The following CTNNBL1 variants were observed in gnomAD, a reference collection of about 807,000 sequenced individuals.
CTNNBL1 encodes the protein beta-catenin-like protein 1.
CTNNBL1 carries 31 observed loss-of-function variants against 72.7 expected under a neutral mutation model. The ratio of observed to expected loss-of-function variants is 0.43; its 90% CI spans 0.32 to 0.58. The LOEUF is 0.58. Among genes scored for constraint, CTNNBL1 ranks in the 20% least tolerant of loss-of-function variants. CTNNBL1 has a pLI of 0.08. For synonymous variants in CTNNBL1, 240 were observed against 267.3 expected (o/e 0.90, Z 1.00); for missense variants, 534 against 725.1 (o/e 0.74, Z 3.03).
intron 1 of CTNNBL1, among the ~76,000 whole-genome samples, chr20:37,719,505 G>A (rs1734674101): frequency 6.6e-6 from 1 of 152,172 alleles, no homozygotes; most frequent in Admixed American, 6.5e-5. Context: ...GAAAGAACAT[G>A]CCTTTTTTGT....
chr20:37,851,881 C>A (rs2072400201), intron 13 of CTNNBL1, among the ~76,000 whole-genome samples: 7 of 152,208 alleles, frequency 4.6e-5, no homozygotes, highest in Admixed American at 4.6e-4. Flanking sequence ...TAGAGAAGGC[C>A]TGGGACTATG....
chr20:37,719,829 A>C (rs975338082), intron 1 of CTNNBL1, among the ~76,000 whole-genome samples: 23 of 143,012 alleles, frequency 1.6e-4, no homozygotes, highest in Non-Finnish European at 2.9e-4. Flanking sequence ...TTCTTTTTTT[A>C]TTTTTCTTTT....
intron 1 of CTNNBL1, 141 bp downstream of exon 1, chr20:37,694,293 G>A (rs1344966695): frequency 5.8e-6 from 4 of 694,570 alleles, no homozygotes; most frequent in Non-Finnish European, 9.0e-6. Context: ...TCAGCCCCTC[G>A]TTTTACTTTG....
chr20:37,786,359 C>T (rs1228077429), intron 10 of CTNNBL1, among the ~76,000 whole-genome samples: 3 of 152,176 alleles, frequency 2.0e-5, no homozygotes, highest in Admixed American at 6.5e-5. Flanking sequence ...AGCAAGTTCC[C>T]CCCAGCCCCA....
intron 1 of CTNNBL1, among the ~76,000 whole-genome samples, chr20:37,708,086 T>G (rs944704147): frequency 5.9e-5 from 9 of 152,106 alleles, no homozygotes; most frequent in Non-Finnish European, 1.3e-4. Flanking sequence ...CCATAGCAGA[T>G]ATGATAATAA....
intron 10 of CTNNBL1, among the ~76,000 whole-genome samples, chr20:37,788,748 T>G (rs1043512177): frequency 1.3e-5 from 2 of 152,252 alleles, no homozygotes; most frequent in Non-Finnish European, 2.9e-5. Flanking sequence ...TTTCAGTTCT[T>G]ATCACCTTTC....
At chr20:37,736,389 C>A (rs1437395347) in intron 2 of CTNNBL1, among the ~76,000 whole-genome samples, 2 of 152,096 alleles carry the variant, frequency 1.3e-5, no homozygotes, top group African/African-American at 4.8e-5. Context: ...AGAGTTTGAC[C>A]TTAAACAATT....
At chr20:37,727,792 T>A (rs1162224535) in intron 1 of CTNNBL1, among the ~76,000 whole-genome samples, 1 of 152,062 alleles carries the variant, frequency 6.6e-6, no homozygotes, top group African/African-American at 2.4e-5. Context: ...AGGCTGTGAG[T>A]GTTACATTCT....
In CTNNBL1 at chr20:37,779,263, G is replaced by A; in HGVS notation, c.959G>A (p.Cys320Tyr). 6.2e-7 allele frequency: 1 copy of A among 1,613,848 alleles called. No individual in the cohort carries two copies. Among genetic ancestry groups the A allele is most frequent in the Non-Finnish European group, 8.5e-7 (1 of 1,179,762 alleles). Residue 320 changes from cysteine to tyrosine, a missense_variant, in exon 10 of 16, where the codon TGT becomes TAT. Coordinates refer to ENST00000361383, the MANE Select transcript of CTNNBL1 (RefSeq NM_030877.5). Reference protein sequence around the residue: ...MENLFDSLCSCLMLSSNRERF... With the variant: ...MENLFDSLCSYLMLSSNRERF... ...AATCTGTTTGATTCCCTCTGCTCCT[G>A]TCTAATGCTTAGTTCCAATCGTGAG...
chr20:37,709,444 C>T (rs1006337357), intron 1 of CTNNBL1, among the ~76,000 whole-genome samples: 1 of 152,186 alleles, frequency 6.6e-6, no homozygotes, highest in African/African-American at 2.4e-5. Context: ...CACCAGTCCT[C>T]TGCTGGTATA....
chr20:37,846,234 A>T (rs1168621764), intron 13 of CTNNBL1, among the ~76,000 whole-genome samples: 2 of 152,120 alleles, frequency 1.3e-5, no homozygotes, highest in African/African-American at 2.4e-5. Flanking sequence ...GAACCTAAAA[A>T]GGTAGGGATA....
intron 4 of CTNNBL1, among the ~76,000 whole-genome samples, chr20:37,747,483 C>G (rs2073277211): frequency 6.6e-6 from 1 of 151,542 alleles, no homozygotes; most frequent in African/African-American, 2.4e-5. Flanking sequence ...GTTTGACTCT[C>G]AACCGCATTT....
Position 37,746,464 on chromosome 20 carries a change from C to T in CTNNBL1, c.327-4C>T. The T allele has an allele frequency of 6.2e-7, 1 of 1,611,652 alleles. No homozygotes were observed. Among genetic ancestry groups the T allele is most frequent in the African/African-American group, 1.3e-5 (1 of 74,974 alleles). On this transcript the variant is annotated splice_region_variant and splice_polypyrimidine_tract_variant and intron_variant, in intron 3 of 15. Transcript: ENST00000361383. ...TTCTAATGATGTCTTGTTTTCCCTC[C>T]TAGGTTCATGGAATCCGAGCTGGAC... is the stretch of plus-strand genomic sequence containing the variant.
At chr20:37,755,022 G>C (rs1425068538) in intron 4 of CTNNBL1, among the ~76,000 whole-genome samples, 1 of 152,088 alleles carries the variant, frequency 6.6e-6, no homozygotes, top group East Asian at 1.9e-4. Flanking sequence ...GGCCAGGCTG[G>C]TCTTGAACTC....
chr20:37,856,346 C>T (rs2072440891), intron 13 of CTNNBL1, among the ~76,000 whole-genome samples: 2 of 152,026 alleles, frequency 1.3e-5, no homozygotes, highest in Non-Finnish European at 2.9e-5. Flanking sequence ...CAAGGCAGGC[C>T]GTGGGAGGTA....
chr20:37,736,379 A>G lies in CTNNBL1; in HGVS notation c.220-999A>G, dbSNP rs78300294. On this transcript the variant is annotated intron_variant, in intron 2 of 15. Transcript: ENST00000361383. ...GATTAAGGGTCACTGTCACTGACTC[A>G]GAGTTTGACCTTAAACAATTCTTTT... Among the ~76,000 whole-genome samples, 208 of 152,318 alleles carry G rather than the reference A, an allele frequency of 1.4e-3. 1 individual carries two copies. In the East Asian group the frequency reaches 0.019, roughly 14 times the overall value.
intron 1 of CTNNBL1, among the ~76,000 whole-genome samples, chr20:37,704,213 A>G (rs933141875): frequency 6.6e-6 from 1 of 152,232 alleles, no homozygotes; most frequent in African/African-American, 2.4e-5. Flanking sequence ...CTAATGGGGT[A>G]TACCCCAGAT....
At chr20:37,739,551 TC>T (rs1300486545) in intron 3 of CTNNBL1, among the ~76,000 whole-genome samples, 1 of 152,206 alleles carries the variant, frequency 6.6e-6, no homozygotes, top group Non-Finnish European at 1.5e-5. Context: ...AATTTTGAAT[TC>T]CCAGATTGAA....
chr20:37,861,708 T>G (rs1366503499), intron 15 of CTNNBL1, among the ~76,000 whole-genome samples: 1 of 152,202 alleles, frequency 6.6e-6, no homozygotes, highest in Non-Finnish European at 1.5e-5. Flanking sequence ...GATCCAAATC[T>G]TGGCTCTGTT....
Sources: gnomAD v4.1 joint callset for allele counts (sites outside exome capture counted in the v4.1 genomes callset) on GRCh38, gnomAD v4.1.1 for gene constraint, MANE v1.5 for transcripts, NCBI Gene and HGNC (gene_info 2026-07-23, HGNC 2026-07-21) for gene names.